Variants in KCNN2 observed in about 807,000 individuals in gnomAD.
KCNN2 encodes the protein small conductance calcium-activated potassium channel protein 2.
In KCNN2, 24 loss-of-function variants were observed where a neutral mutation model predicts 55.5. The observed-to-expected ratio is 0.43, with a 90% CI of 0.31 to 0.61. The LOEUF is 0.61. Ranked by LOEUF, KCNN2 falls within the 20% of genes least tolerant of loss-of-function variation. The pLI, the probability that KCNN2 is intolerant of heterozygous loss-of-function variation, is 0.08. For missense variants in KCNN2, 754 were observed against 853.6 expected (o/e 0.88, Z 1.45); for synonymous variants, 431 against 336.1 (o/e 1.28, Z -3.09).
At chr5:114,270,527 C>T (rs1426638767) in intron 2 of KCNN2, among the ~76,000 whole-genome samples, 1 of 152,132 alleles carries the variant, frequency 6.6e-6, no homozygotes, top group Non-Finnish European at 1.5e-5. Flanking sequence ...CATGTCAATA[C>T]TCTTGAAACC....
chr5:114,182,115 T>G (rs1285436554), intron 1 of KCNN2, among the ~76,000 whole-genome samples: 2 of 152,198 alleles, frequency 1.3e-5, no homozygotes, highest in Non-Finnish European at 2.9e-5. Flanking sequence ...CTGAAAACTC[T>G]TTTCTTCCTG....
rs573469798 is a variant in KCNN2 at position 114,399,918 on chromosome 5, GT to G, written c.1219-4509del. 7.2e-4 allele frequency among the ~76,000 whole-genome samples: 93 copies of G among 129,510 alleles called. 1 individual carries two copies. Among genetic ancestry groups the G allele is most frequent in the African/African-American group, 1.5e-3 (50 of 33,216 alleles). The allele number at this position is 129,510 out of a possible 152,430, so 85.0% of individuals were successfully genotyped here. A position where few individuals can be genotyped will look rare whatever the true frequency, so the allele number is the denominator to read the frequency against. ...GAGATGTACATAGTAGCCTTTGAGGGTTTTTTTTTTTGTTTTTTTTTTTTGT... is the reference window on the plus strand; with the variant it reads ...GAGATGTACATAGTAGCCTTTGAGGGTTTTTTTTTTGTTTTTTTTTTTTGT... On this transcript the variant is annotated intron_variant, in intron 2 of 7. Transcript: ENST00000673685.
chr5:114,362,945 C>T lies in KCNN2; in HGVS notation c.806C>T (p.Ala269Val). 6.3e-7 allele frequency: 1 copy of T among 1,588,268 alleles called. No homozygotes were observed. Among genetic ancestry groups the T allele is most frequent in the Non-Finnish European group, 8.5e-7 (1 of 1,174,414 alleles). The part of the protein sequence containing the change: ...SSPSAAAAAA[A>V]AVSSSAPEIV... ...CCGTCTGCAGCCGCTGCCGCCGCCG[C>T]CGCTGTTTCGTCCTCAGCCCCCGAG... Residue 269 changes from alanine (A) to valine (V), a missense_variant, in exon 1 of 8, where the codon GCC becomes GTC. By Grantham distance (64) the Ala-to-Val change is moderately conservative. Transcript: ENST00000673685.
At chr5:114,174,012 C>A (rs531381451) in intron 1 of KCNN2, among the ~76,000 whole-genome samples, 2 of 151,972 alleles carry the variant, frequency 1.3e-5, no homozygotes, top group Non-Finnish European at 2.9e-5. Context: ...AATGAAAGAG[C>A]CTTTACATGT....
intron 1 of KCNN2, among the ~76,000 whole-genome samples, chr5:114,099,708 A>C (rs530870590): frequency 6.6e-6 from 1 of 152,240 alleles, no homozygotes; most frequent in East Asian, 1.9e-4. Context: ...TGTTCTTGGA[A>C]AAATTTTTGG....
chr5:114,138,300 A>G (rs2112501165), intron 1 of KCNN2, among the ~76,000 whole-genome samples: 1 of 152,316 alleles, frequency 6.6e-6, no homozygotes, highest in East Asian at 1.9e-4. Context: ...AATACAACAA[A>G]CAGCCTGAGC....
At chr5:114,488,077 T>G (rs1488188880) in intron 6 of KCNN2, among the ~76,000 whole-genome samples, 1 of 152,224 alleles carries the variant, frequency 6.6e-6, no homozygotes, top group African/African-American at 2.4e-5. Flanking sequence ...GTAATTCATA[T>G]GTAATATGGT....
At chr5:114,079,775 G>A (rs1750763704) in intron 1 of KCNN2, among the ~76,000 whole-genome samples, 1 of 151,656 alleles carries the variant, frequency 6.6e-6, no homozygotes, top group African/African-American at 2.4e-5. Context: ...GTTTCTTGCT[G>A]CAGCCATCAG....
chr5:114,081,026 G>C (rs906497367), intron 1 of KCNN2, among the ~76,000 whole-genome samples: 1 of 151,994 alleles, frequency 6.6e-6, no homozygotes, highest in Non-Finnish European at 1.5e-5. Flanking sequence ...TTGAATTTCT[G>C]TATACTAATA....
At chr5:114,360,166 C>G (rs1395838310), upstream of KCNN2, among the ~76,000 whole-genome samples, 1 of 152,136 alleles carries the variant, frequency 6.6e-6, no homozygotes, top group Non-Finnish European at 1.5e-5. Context: ...GGCTACGGGA[C>G]TAAAAGCAGC....
intron 2 of KCNN2, among the ~76,000 whole-genome samples, chr5:114,341,232 A>G (rs540433807): frequency 6.6e-6 from 1 of 152,314 alleles, no homozygotes; most frequent in Admixed American, 6.5e-5. Context: ...CAGCATTTGA[A>G]TTGCTGTCCA....
At chr5:114,352,031 G>T (rs1757214273) in intron 2 of KCNN2, among the ~76,000 whole-genome samples, 1 of 151,710 alleles carries the variant, frequency 6.6e-6, no homozygotes. Context: ...GTATACTACA[G>T]ATTCACCAGC....
chr5:114,372,798 T>C (rs1757802058), intron 2 of KCNN2, among the ~76,000 whole-genome samples: 1 of 152,122 alleles, frequency 6.6e-6, no homozygotes, highest in African/African-American at 2.4e-5. Flanking sequence ...TAACTTTTTA[T>C]TGTTTTTCCT....
intron 2 of KCNN2, among the ~76,000 whole-genome samples, chr5:114,239,089 T>C (rs957163577): frequency 2.0e-5 from 3 of 152,180 alleles, no homozygotes; most frequent in African/African-American, 4.8e-5. Context: ...TAAATCATTT[T>C]GGGAAGAGTT....
At chr5:114,178,960 C>G (rs1161129721) in intron 1 of KCNN2, among the ~76,000 whole-genome samples, 1 of 152,080 alleles carries the variant, frequency 6.6e-6, no homozygotes, top group African/African-American at 2.4e-5. Flanking sequence ...TATGGTCTAG[C>G]CCCTGGAGAC....
At chr5:114,345,093 G>A (rs1381470299) in intron 2 of KCNN2, among the ~76,000 whole-genome samples, 1 of 152,132 alleles carries the variant, frequency 6.6e-6, no homozygotes, top group African/African-American at 2.4e-5. Context: ...ATAAGAGAGT[G>A]TTTGAATGAA....
intron 2 of KCNN2, among the ~76,000 whole-genome samples, chr5:114,323,539 A>T (rs1756653149): frequency 6.6e-6 from 1 of 152,144 alleles, no homozygotes; most frequent in Non-Finnish European, 1.5e-5. Flanking sequence ...CATTAATTTA[A>T]TAAAAATTCA....
At chr5:114,115,342 C>T (rs1751689728) in intron 1 of KCNN2, among the ~76,000 whole-genome samples, 1 of 152,108 alleles carries the variant, frequency 6.6e-6, no homozygotes, top group African/African-American at 2.4e-5. Flanking sequence ...AATGCTTTTA[C>T]TGCTCCTCAG....
chr5:114,293,772 A>C lies in KCNN2; in HGVS notation c.-184-67173A>C, dbSNP rs150719672. 8.1e-3 allele frequency among the ~76,000 whole-genome samples: 1,237 copies of C among 152,328 alleles called. 8 individuals are homozygous for C. The highest frequency in any genetic ancestry group is 0.017 in the Middle Eastern group (5 of 294). On this transcript the variant is annotated intron_variant, in intron 2 of 10. Coordinates refer to the KCNN2 transcript ENST00000512097. ...GGAGAGTTTCAGAAGGAATGGTACC[A>C]GTTCCTCCTTTTACCTCTGGTAGAA...
Sources: allele counts gnomAD v4.1 joint callset (sites outside exome capture counted in the v4.1 genomes callset), GRCh38; gene constraint gnomAD v4.1.1; transcripts MANE v1.5; gene names NCBI Gene and HGNC (gene_info 2026-07-23, HGNC 2026-07-21).